RGS5: variants seen among roughly 807,000 people sequenced by gnomAD.
RGS5 encodes regulator of G-protein signalling 5.
In RGS5, 20 loss-of-function variants were observed where a neutral mutation model predicts 18.9. That is an observed-to-expected ratio of 1.06 (90% CI 0.74 to 1.54). The LOEUF is 1.54. RGS5 is among the 40% of genes most tolerant of loss of function. The pLI is 0.00. For synonymous variants in RGS5, 57 were observed against 76.2 expected, an observed-to-expected ratio of 0.75 and a Z score of 1.31; for missense variants, 201 against 211.8, an observed-to-expected ratio of 0.95 and a Z score of 0.32.
In RGS5 at chr1:163,184,400, C is replaced by CAAA. The variant is rs34214775; in HGVS notation, c.45-16035_45-16033dup. ...AGCTTTCCTGACCACCCCATCCCTC[C>CAAA]AAAAAAAAAAAAAAAAGGGAAGAAC... On this transcript the variant is annotated intron_variant, in intron 1 of 4. Coordinates refer to ENST00000313961, the MANE Select transcript of RGS5 (RefSeq NM_003617.4). 6.5e-4 allele frequency among the ~76,000 whole-genome samples: 68 copies of CAAA among 105,050 alleles called. 1 individual carries two copies. The highest frequency in any genetic ancestry group is 1.7e-3 in the African/African-American group (52 of 31,062). The allele number at this position is 105,050 out of a possible 152,430, so 68.9% of individuals were successfully genotyped here.
chr1:163,270,833 G>A (rs1033002301), intron 2 of RGS5, among the ~76,000 whole-genome samples: 1 of 152,156 alleles, frequency 6.6e-6, no homozygotes, highest in South Asian at 2.1e-4. Flanking sequence ...AATCAAGTCA[G>A]ACAATGAGGA....
intron 2 of RGS5, among the ~76,000 whole-genome samples, chr1:163,284,968 G>A (rs536874416): frequency 6.6e-6 from 1 of 152,186 alleles, no homozygotes; most frequent in South Asian, 2.1e-4. Flanking sequence ...CACGTGCCTG[G>A]GGAGGCCTCA....
chr1:163,155,649 GGTCAGA>G (rs1657551142), intron 3 of RGS5, among the ~76,000 whole-genome samples: 2 of 152,020 alleles, frequency 1.3e-5, no homozygotes, highest in South Asian at 4.2e-4. Context: ...CAACCTATTG[GGTCAGA>G]GTCAAACACA....
intron 1 of RGS5, among the ~76,000 whole-genome samples, chr1:163,171,716 G>T (rs1271020330): frequency 6.6e-6 from 1 of 152,176 alleles, no homozygotes; most frequent in African/African-American, 2.4e-5. Context: ...GTATGTAAAA[G>T]AATTATTAGT....
intron 2 of RGS5, among the ~76,000 whole-genome samples, chr1:163,231,621 G>A (rs1204584441): frequency 6.6e-6 from 1 of 152,168 alleles, no homozygotes; most frequent in Non-Finnish European, 1.5e-5. Flanking sequence ...AATGTTTTGT[G>A]TGATGGAGAA....
chr1:163,153,596 G>A (rs1340534065), intron 3 of RGS5, among the ~76,000 whole-genome samples: 1 of 151,508 alleles, frequency 6.6e-6, no homozygotes, highest in Non-Finnish European at 1.5e-5. Flanking sequence ...GCTCATGTAG[G>A]ATAAACTTTA....
intron 1 of RGS5, among the ~76,000 whole-genome samples, chr1:163,180,896 G>A (rs1485868242): frequency 2.0e-5 from 3 of 151,742 alleles, no homozygotes; most frequent in Non-Finnish European, 4.4e-5. Flanking sequence ...GGGTTACACC[G>A]CGTTAGCGAG....
intron 2 of RGS5, among the ~76,000 whole-genome samples, chr1:163,231,584 T>C (rs1036874924): frequency 3.3e-5 from 5 of 152,144 alleles, no homozygotes; most frequent in African/African-American, 1.2e-4. Context: ...TCCAGTGGTA[T>C]GCACAAGGCT....
At chr1:163,209,609 C>T (rs574177042) in intron 1 of RGS5, among the ~76,000 whole-genome samples, 1 of 152,026 alleles carries the variant, frequency 6.6e-6, no homozygotes, top group African/African-American at 2.4e-5. Flanking sequence ...TAAGTTTATC[C>T]CTAAGTATTT....
chr1:163,317,980 C>A (rs1650072335), intron 1 of RGS5, among the ~76,000 whole-genome samples: 1 of 151,592 alleles, frequency 6.6e-6, no homozygotes, highest in African/African-American at 2.4e-5. Context: ...AATAAGGGTT[C>A]AATGAATATT....
At chr1:163,207,089 G>A (rs1027568995), upstream of RGS5, among the ~76,000 whole-genome samples, 12 of 152,058 alleles carry the variant, frequency 7.9e-5, no homozygotes, top group Non-Finnish European at 1.0e-4. Context: ...CATGAGATAA[G>A]TGGTATAATT....
chr1:163,173,247 CTTTT>C (rs1658386304), intron 1 of RGS5, among the ~76,000 whole-genome samples: 2 of 152,094 alleles, frequency 1.3e-5, no homozygotes, highest in Admixed American at 6.6e-5. Flanking sequence ...TCTTGTTATT[CTTTT>C]GTTTTACAAA....
chr1:163,182,554 C>T (rs1557894181), intron 1 of RGS5, among the ~76,000 whole-genome samples: 2 of 152,110 alleles, frequency 1.3e-5, no homozygotes, highest in African/African-American at 2.4e-5. Flanking sequence ...AGGAAGGAGA[C>T]AGTGGAAGGA....
At chr1:163,152,434 C>G in intron 4 of RGS5, 116 bp downstream of exon 4, 1 of 1,071,092 alleles carries the variant, frequency 9.3e-7, no homozygotes, top group Non-Finnish European at 1.3e-6. Context: ...ATAAGGTGGT[C>G]GACTCACAAA....
In RGS5 at chr1:163,168,456, A is replaced by G. The variant is rs995855186; in HGVS notation, c.45-88T>C. On this transcript the variant is annotated intron_variant, in intron 1 of 4. Coordinates refer to ENST00000313961, the MANE Select transcript of RGS5 (RefSeq NM_003617.4). ...ATTTCTTCCTGTGTCAGAGAAACAA[A>G]AATGAACAAAATCCCATTTCACTTT... 6.7e-6 allele frequency: 6 copies of G among 892,636 alleles called. No homozygotes were observed. The African/African-American group carries it at 1.0e-4, about 15-fold the overall frequency. 55.3% of individuals were successfully genotyped at this position (892,636 alleles called of 1,614,324 possible). A position where few individuals can be genotyped will look rare whatever the true frequency, so the allele number is the denominator to read the frequency against.
intron 1 of RGS5, among the ~76,000 whole-genome samples, chr1:163,172,220 G>T (rs1377555567): frequency 6.6e-6 from 1 of 152,166 alleles, no homozygotes; most frequent in Non-Finnish European, 1.5e-5. Context: ...AAGTTGGTAT[G>T]AAAACAAACA....
At chr1:163,278,006 C>T (rs1243099665) in intron 2 of RGS5, among the ~76,000 whole-genome samples, 3 of 151,630 alleles carry the variant, frequency 2.0e-5, no homozygotes, top group African/African-American at 7.3e-5. Flanking sequence ...AGAAAGCCTA[C>T]ATTCTGAAAT....
At chr1:163,280,300 GATA>G (rs1648959130) in intron 2 of RGS5, among the ~76,000 whole-genome samples, 1 of 151,850 alleles carries the variant, frequency 6.6e-6, no homozygotes, top group Non-Finnish European at 1.5e-5. Context: ...ACATCAAAAA[GATA>G]ATACATCAGG....
At chr1:163,314,208 G>A (rs2136240) in intron 1 of RGS5, among the ~76,000 whole-genome samples, 2 of 152,008 alleles carry the variant, frequency 1.3e-5, no homozygotes, top group Non-Finnish European at 2.9e-5. Flanking sequence ...GATTGTCCTA[G>A]GAACAATATT....
Sources: gnomAD v4.1 joint callset for allele counts (sites outside exome capture counted in the v4.1 genomes callset) on GRCh38, gnomAD v4.1.1 for gene constraint, MANE v1.5 for transcripts, NCBI Gene and HGNC (gene_info 2026-07-23, HGNC 2026-07-21) for gene names.